Variants in CTNNA3 observed in about 807,000 individuals in gnomAD.
CTNNA3 encodes catenin alpha-3.
A neutral mutation model predicts 95.7 loss-of-function variants in CTNNA3; 76 were observed. The ratio of observed to expected loss-of-function variants is 0.79; its 90% CI spans 0.66 to 0.96. The LOEUF (loss-of-function observed/expected upper bound fraction) is 0.96. CTNNA3 is among the 40% of genes least tolerant of loss of function. CTNNA3 has a pLI of 0.00. For synonymous variants in CTNNA3, 431 were observed against 374.4 expected, an observed-to-expected ratio of 1.15 and a Z score of -1.74; for missense variants, 1,191 against 1,089.8, an observed-to-expected ratio of 1.09 and a Z score of -1.31.
At position 65,919,387 on chromosome 10, in the gene CTNNA3, GA is replaced by G. The variant is rs1360392262; in HGVS notation, c.*942del. On this transcript the variant is annotated 3_prime_UTR_variant, in exon 18 of 18. Coordinates refer to ENST00000433211, the MANE Select transcript of CTNNA3 (RefSeq NM_013266.4). ...AGTTATATTTTACTCAACGTCAAAA[GA>G]TTTTTCAAACTGCCATTTTCCTTTT... The G allele has an allele frequency of 1.3e-5, 2 of 152,078 alleles. No homozygotes were observed. The highest frequency in any genetic ancestry group is 3.9e-4 in the East Asian group (2 of 5,190). 9.4% of individuals were successfully genotyped at this position (152,078 alleles called of 1,614,324 possible).
chr10:66,639,611 T>A (rs4372324), intron 9 of CTNNA3, among the ~76,000 whole-genome samples: 101,174 of 151,958 alleles, frequency 0.67, 34,637 homozygotes, highest in East Asian at 0.95. Flanking sequence ...TATGACTCAA[T>A]AATATAACTT....
At chr10:67,081,259 C>T (rs73256496) in intron 7 of CTNNA3, among the ~76,000 whole-genome samples, 9,877 of 152,144 alleles carry the variant, frequency 0.065, 386 homozygotes, top group South Asian at 0.19. Context: ...TCTCTAAGCT[C>T]ATTTCAGGTA....
chr10:66,615,662 A>T (rs569515739), intron 10 of CTNNA3, among the ~76,000 whole-genome samples: 155 of 152,126 alleles, frequency 1.0e-3, no homozygotes, highest in African/African-American at 3.4e-3. Flanking sequence ...ATAAAACCTG[A>T]GAATGAAAAG....
chr10:67,192,618 T>C (rs1049015332), intron 6 of CTNNA3, among the ~76,000 whole-genome samples: 7 of 151,856 alleles, frequency 4.6e-5, no homozygotes, highest in Admixed American at 4.6e-4. Flanking sequence ...TTTGAGACGA[T>C]GTGGAGAAAA....
chr10:67,435,310 A>G (rs1247646326), intron 5 of CTNNA3, among the ~76,000 whole-genome samples: 1 of 151,980 alleles, frequency 6.6e-6, no homozygotes, highest in East Asian at 1.9e-4. Flanking sequence ...TTTTACTCTT[A>G]AAGACTGAAT....
chr10:66,233,065 CAGG>C (rs2089666711), intron 13 of CTNNA3, among the ~76,000 whole-genome samples: 1 of 145,348 alleles, frequency 6.9e-6, no homozygotes, highest in Non-Finnish European at 1.5e-5. Flanking sequence ...GAGGCTGAGG[CAGG>C]AGAATGGCGT....
At chr10:67,636,394 G>A (rs185860959) in intron 2 of CTNNA3, among the ~76,000 whole-genome samples, 7 of 152,214 alleles carry the variant, frequency 4.6e-5, no homozygotes, top group Admixed American at 4.6e-4. Flanking sequence ...AAAGCTGGAG[G>A]CTTCACACTA....
intron 5 of CTNNA3, among the ~76,000 whole-genome samples, chr10:67,427,698 A>C: frequency 6.6e-6 from 1 of 152,048 alleles, no homozygotes; most frequent in Admixed American, 6.6e-5. Context: ...AAATCAATAA[A>C]ATGACCAGGG....
At chr10:67,337,794 T>A (rs961333100) in intron 5 of CTNNA3, among the ~76,000 whole-genome samples, 1 of 152,198 alleles carries the variant, frequency 6.6e-6, no homozygotes, top group Non-Finnish European at 1.5e-5. Flanking sequence ...AAGGCTCAAA[T>A]GATCATTAGC....
chr10:66,269,993 G>A (rs899462787), intron 13 of CTNNA3, among the ~76,000 whole-genome samples: 3 of 152,038 alleles, frequency 2.0e-5, no homozygotes, highest in Admixed American at 6.6e-5. Context: ...CACATCCTTG[G>A]AACTCTTAAA....
chr10:66,174,797 T>C (rs149418320), intron 13 of CTNNA3, among the ~76,000 whole-genome samples: 1 of 152,272 alleles, frequency 6.6e-6, no homozygotes, highest in African/African-American at 2.4e-5. Flanking sequence ...TAGTGCTTCA[T>C]ACATTAAAAG....
At chr10:66,688,464 A>G (rs1847381942) in intron 9 of CTNNA3, among the ~76,000 whole-genome samples, 1 of 151,992 alleles carries the variant, frequency 6.6e-6, no homozygotes, top group Admixed American at 6.6e-5. Context: ...AGCCCCCAAC[A>G]TTCCCGTAAC....
intron 11 of CTNNA3, among the ~76,000 whole-genome samples, chr10:66,434,466 A>G (rs1043075214): frequency 6.6e-6 from 1 of 152,092 alleles, no homozygotes; most frequent in African/African-American, 2.4e-5. Flanking sequence ...GGTGTATAGG[A>G]ATGCTTGAGA....
intron 3 of CTNNA3, among the ~76,000 whole-genome samples, chr10:67,563,672 C>A (rs1209159473): frequency 1.3e-5 from 2 of 152,066 alleles, no homozygotes; most frequent in African/African-American, 4.8e-5. Flanking sequence ...AGCTTCTGCA[C>A]AGCAAAAGAA....
intron 7 of CTNNA3, among the ~76,000 whole-genome samples, chr10:67,132,299 T>C (rs1294337247): frequency 6.6e-6 from 1 of 152,080 alleles, no homozygotes; most frequent in Non-Finnish European, 1.5e-5. Context: ...TTTAGGCATA[T>C]GGAGGCATCT....
At chr10:67,432,482 A>G (rs1393208156) in intron 5 of CTNNA3, among the ~76,000 whole-genome samples, 6 of 151,992 alleles carry the variant, frequency 3.9e-5, no homozygotes, top group South Asian at 2.1e-4. Context: ...GCTGTAAGAG[A>G]GAATCTCTTC....
chr10:67,193,373 G>A (rs1284415088), intron 6 of CTNNA3, among the ~76,000 whole-genome samples: 2 of 151,810 alleles, frequency 1.3e-5, no homozygotes, highest in African/African-American at 4.8e-5. Flanking sequence ...CTTTTAAGTC[G>A]GAGTACCTGT....
At chr10:66,581,034 T>A (rs1843168617) in intron 10 of CTNNA3, among the ~76,000 whole-genome samples, 1 of 151,824 alleles carries the variant, frequency 6.6e-6, no homozygotes, top group Admixed American at 6.6e-5. Context: ...TCACTTAGAA[T>A]AATGGCCTCT....
At chr10:66,609,215 A>T (rs1333215414) in intron 10 of CTNNA3, among the ~76,000 whole-genome samples, 3 of 151,310 alleles carry the variant, frequency 2.0e-5, no homozygotes, top group Non-Finnish European at 2.9e-5. Context: ...ATGTGCCACC[A>T]TGCCAGGCTA....
Sources: gnomAD v4.1 joint callset for allele counts (sites outside exome capture counted in the v4.1 genomes callset) on GRCh38, gnomAD v4.1.1 for gene constraint, MANE v1.5 for transcripts, NCBI Gene and HGNC (gene_info 2026-07-23, HGNC 2026-07-21) for gene names.